The following LPAR1 variants were observed in gnomAD, a reference collection of about 807,000 sequenced individuals.
LPAR1 encodes lysophosphatidic acid receptor 1, also known as LPA receptor 1.
In LPAR1, 5 loss-of-function variants were observed where a neutral mutation model predicts 23.8. That is an observed-to-expected ratio of 0.21 (90% confidence interval 0.11 to 0.44). The LOEUF is 0.44. LPAR1 is among the 20% of genes least tolerant of loss of function. The pLI is 0.99. For synonymous variants in LPAR1, 160 were observed against 164.7 expected (o/e 0.97, Z 0.22); for missense variants, 311 against 482.8 (o/e 0.64, Z 3.33).
At chr9:110,905,392 C>G (rs543059034) in intron 5 of LPAR1, among the ~76,000 whole-genome samples, 8 of 150,284 alleles carry the variant, frequency 5.3e-5, no homozygotes, top group African/African-American at 4.9e-5. Flanking sequence ...ATTACGCAGG[C>G]TGGAGTGCAG....
chr9:110,928,649 G>C (rs2766997), intron 5 of LPAR1, among the ~76,000 whole-genome samples: 89,127 of 152,028 alleles, frequency 0.59, 26,426 homozygotes, highest in East Asian at 0.63. Context: ...TGTCTAAATA[G>C]AGCCTCTTTT....
At chr9:110,898,882 C>G (rs1285784090) in intron 5 of LPAR1, among the ~76,000 whole-genome samples, 1 of 152,142 alleles carries the variant, frequency 6.6e-6, no homozygotes, top group Admixed American at 6.6e-5. Context: ...TCCAAAACAT[C>G]CTATGAGTGT....
chr9:110,887,851 C>T (rs969690453), intron 5 of LPAR1, among the ~76,000 whole-genome samples: 5 of 152,088 alleles, frequency 3.3e-5, no homozygotes, highest in South Asian at 2.1e-4. Context: ...GCAACAATAT[C>T]GCTGATAGAA....
chr9:110,953,168 G>T (rs2095624050), intron 4 of LPAR1, among the ~76,000 whole-genome samples: 8 of 152,100 alleles, frequency 5.3e-5, no homozygotes, highest in Admixed American at 5.2e-4. Flanking sequence ...CCACATGCCT[G>T]GCCCACTCAG....
chr9:110,933,803 T>G (rs2094533487), intron 5 of LPAR1, among the ~76,000 whole-genome samples: 1 of 152,248 alleles, frequency 6.6e-6, no homozygotes, highest in East Asian at 1.9e-4. Context: ...AGCTTCATGT[T>G]CTGGTTCCTC....
At chr9:110,920,431 AT>A (rs981450931) in intron 5 of LPAR1, among the ~76,000 whole-genome samples, 1 of 152,288 alleles carries the variant, frequency 6.6e-6, no homozygotes, top group African/African-American at 2.4e-5. Flanking sequence ...AGCATTGGCA[AT>A]TTTTTTCAAC....
intron 2 of LPAR1, among the ~76,000 whole-genome samples, chr9:111,009,423 C>T (rs996239683): frequency 1.3e-5 from 2 of 151,796 alleles, no homozygotes; most frequent in Non-Finnish European, 2.9e-5. Flanking sequence ...TTTATTAACA[C>T]AAAAATGTTT....
intron 2 of LPAR1, among the ~76,000 whole-genome samples, chr9:110,982,461 C>T (rs566362734): frequency 6.6e-6 from 1 of 152,084 alleles, no homozygotes. Flanking sequence ...GAACATCACA[C>T]ACTGGGGCCT....
intron 5 of LPAR1, among the ~76,000 whole-genome samples, chr9:110,935,885 G>A (rs2094677712): frequency 6.6e-6 from 1 of 152,184 alleles, no homozygotes; most frequent in Non-Finnish European, 1.5e-5. Flanking sequence ...TTCTCAGTAT[G>A]TTATAAAGGT....
chr9:110,978,218 C>A (rs2096600409), intron 2 of LPAR1, among the ~76,000 whole-genome samples: 1 of 152,000 alleles, frequency 6.6e-6, no homozygotes, highest in Non-Finnish European at 1.5e-5. Flanking sequence ...AAAGAGTCTG[C>A]GCTAACCAGA....
intron 4 of LPAR1, among the ~76,000 whole-genome samples, chr9:110,964,591 G>GATTGTT (rs1295369172): frequency 6.6e-6 from 1 of 152,030 alleles, no homozygotes; most frequent in African/African-American, 2.4e-5. Flanking sequence ...GCTATATTGA[G>GATTGTT]ATTGTTATTT....
chr9:110,965,823 C>T (rs576312259), intron 4 of LPAR1, among the ~76,000 whole-genome samples: 27 of 152,180 alleles, frequency 1.8e-4, no homozygotes, highest in Non-Finnish European at 2.6e-4. Context: ...CACATGCACA[C>T]GCATGTTTAT....
chr9:110,886,257 A>T (rs1332865298), intron 5 of LPAR1, among the ~76,000 whole-genome samples: 1 of 150,492 alleles, frequency 6.6e-6, no homozygotes, highest in African/African-American at 2.4e-5. Flanking sequence ...CCAGCCACTC[A>T]GGAGGCTGAG....
chr9:110,949,333 A>C (rs1476464305), intron 4 of LPAR1, among the ~76,000 whole-genome samples: 1 of 152,212 alleles, frequency 6.6e-6, no homozygotes, highest in Non-Finnish European at 1.5e-5. Flanking sequence ...GATTAGACCC[A>C]AGAATGTCAG....
chr9:110,941,071 C>A lies in LPAR1; in HGVS notation c.793+350G>T, dbSNP rs2095066289. ...ACTTTCTGTCTGAAAATATGTAATA[C>A]AGAAACCACAATGCAAAAGTTTCAC... On this transcript the variant is annotated intron_variant, in intron 5 of 5. Transcript: ENST00000683809. This position sits in a 1 kb window ranked among gnomAD's most constrained non-coding sequence, Gnocchi z 6.1. Among the ~76,000 whole-genome samples, 1 of 152,104 alleles carries A rather than the reference C, an allele frequency of 6.6e-6. No homozygotes were observed. The highest frequency in any genetic ancestry group is 2.1e-4 in the South Asian group (1 of 4,814).
chr9:110,916,869 A>C (rs2134778592), intron 5 of LPAR1, among the ~76,000 whole-genome samples: 1 of 152,142 alleles, frequency 6.6e-6, no homozygotes, highest in African/African-American at 2.4e-5. Context: ...TGCATGGAAA[A>C]CTATATAATT....
Position 111,038,117 on chromosome 9 carries a change from G to C in LPAR1, c.-262+50C>G, listed in dbSNP as rs1447925361. On this transcript the variant is annotated intron_variant, in intron 1 of 5. Coordinates refer to ENST00000683809, the MANE Select transcript of LPAR1 (RefSeq NM_001351411.2). The surrounding 1 kb of genome is among the most constrained non-coding windows in gnomAD (Gnocchi z 4.4). ...GGCCGAGCAGTCGCCGCGGCCTCTG[G>C]CTTCGCGCCCAGGGGGCGCCGTCCC... 6.6e-6 allele frequency: 1 copy of C among 151,174 alleles called. No homozygotes were observed. Among genetic ancestry groups the C allele is most frequent in the African/African-American group, 2.4e-5 (1 of 41,268 alleles). The allele number at this position is 151,174 out of a possible 1,614,324, so 9.4% of individuals were successfully genotyped here. A position where few individuals can be genotyped will look rare whatever the true frequency, so the allele number is the denominator to read the frequency against.
intron 2 of LPAR1, among the ~76,000 whole-genome samples, chr9:111,018,365 C>T (rs1218715849): frequency 6.6e-6 from 1 of 152,180 alleles, no homozygotes; most frequent in Non-Finnish European, 1.5e-5. Context: ...TCATCCCTGC[C>T]TTTTAAGGCA....
intron 2 of LPAR1, among the ~76,000 whole-genome samples, chr9:111,024,696 C>T (rs1588918331): frequency 6.6e-6 from 1 of 151,756 alleles, no homozygotes; most frequent in Middle Eastern, 3.4e-3. Context: ...GTTATCCCTC[C>T]CCTTGTCCCC....
Sources: gnomAD v4.1 joint callset for allele counts (sites outside exome capture counted in the v4.1 genomes callset) on GRCh38, gnomAD v4.1.1 for gene constraint, Gnocchi (gnomAD v3.1) non-coding constraint, MANE v1.5 for transcripts, NCBI Gene and HGNC (gene_info 2026-07-23, HGNC 2026-07-21) for gene names.